Variants in MAGI2 observed in about 807,000 individuals in gnomAD.
MAGI2 encodes the protein membrane-associated guanylate kinase, WW and PDZ domain-containing protein 2.
MAGI2 carries 35 observed loss-of-function variants against 133.3 expected under a neutral mutation model. The observed-to-expected ratio is 0.26, with a 90% CI of 0.20 to 0.35. MAGI2 has a LOEUF of 0.35. Among genes scored for constraint, MAGI2 ranks in the 10% least tolerant of loss-of-function variants. MAGI2 has a pLI of 1.00. For synonymous variants in MAGI2, 729 were observed against 710.6 expected (o/e 1.03, Z -0.41); for missense variants, 1,636 against 1,863.4 (o/e 0.88, Z 2.25).
At chr7:78,743,207 G>C (rs1328166466) in intron 2 of MAGI2, among the ~76,000 whole-genome samples, 1 of 152,186 alleles carries the variant, frequency 6.6e-6, no homozygotes, top group Admixed American at 6.5e-5. Flanking sequence ...ACCCTATAGA[G>C]ATATAGGTCT....
At chr7:78,861,886 C>G (rs978430212) in intron 2 of MAGI2, among the ~76,000 whole-genome samples, 6 of 152,172 alleles carry the variant, frequency 3.9e-5, no homozygotes, top group African/African-American at 1.4e-4. Context: ...AAAAATTCAT[C>G]TGTTTATTCT....
intron 1 of MAGI2, among the ~76,000 whole-genome samples, chr7:79,393,331 A>T (rs1428008502): frequency 6.6e-6 from 1 of 152,222 alleles, no homozygotes; most frequent in East Asian, 1.9e-4. Context: ...GGGAAAAAAC[A>T]AGCTTCTTAT....
chr7:78,576,014 ACTCT>A (rs201146822), intron 3 of MAGI2, among the ~76,000 whole-genome samples: 2 of 152,002 alleles, frequency 1.3e-5, no homozygotes, highest in African/African-American at 4.8e-5. Context: ...TTAAACATAA[ACTCT>A]CTGTACTATT....
intron 2 of MAGI2, among the ~76,000 whole-genome samples, chr7:78,644,641 G>T (rs1810656228): frequency 1.3e-5 from 2 of 152,098 alleles, no homozygotes. Flanking sequence ...GTGGGATGTT[G>T]CTAAAGCAAG....
intron 1 of MAGI2, among the ~76,000 whole-genome samples, chr7:79,234,519 C>T (rs1018628875): frequency 6.6e-6 from 1 of 151,660 alleles, no homozygotes; most frequent in Non-Finnish European, 1.5e-5. Flanking sequence ...CTCTAAACTT[C>T]CCTTCTCGCT....
At chr7:78,791,502 C>CTACAGCA (rs1448474084) in intron 2 of MAGI2, among the ~76,000 whole-genome samples, 1 of 150,910 alleles carries the variant, frequency 6.6e-6, no homozygotes, top group Non-Finnish European at 1.5e-5. Context: ...GAGGATATCA[C>CTACAGCA]TACAGCATTA....
At chr7:78,982,779 TG>T (rs1804904315) in intron 2 of MAGI2, among the ~76,000 whole-genome samples, 3 of 151,862 alleles carry the variant, frequency 2.0e-5, no homozygotes, top group African/African-American at 7.2e-5. Context: ...CCAACTTATT[TG>T]GGTCCTCTGA....
chr7:79,069,325 G>T (rs1056425343), intron 1 of MAGI2, among the ~76,000 whole-genome samples: 2 of 152,256 alleles, frequency 1.3e-5, no homozygotes, highest in African/African-American at 4.8e-5. Context: ...AGCTCTTCTT[G>T]TTGCATTGAT....
intron 2 of MAGI2, among the ~76,000 whole-genome samples, chr7:78,858,478 C>T (rs546229149): frequency 1.2e-4 from 18 of 152,300 alleles, no homozygotes; most frequent in African/African-American, 4.1e-4. Flanking sequence ...TTTCAAAGAA[C>T]ATCTTTATTT....
intron 2 of MAGI2, among the ~76,000 whole-genome samples, chr7:78,974,386 G>A (rs10255477): frequency 0.046 from 6,908 of 151,818 alleles, 470 homozygotes; most frequent in African/African-American, 0.15. Context: ...AAAGATCTAT[G>A]CTTGTTAGCC....
chr7:78,550,544 T>G (rs1404442306), intron 3 of MAGI2, among the ~76,000 whole-genome samples: 1 of 152,198 alleles, frequency 6.6e-6, no homozygotes, highest in African/African-American at 2.4e-5. Flanking sequence ...GCCAGACAGA[T>G]AGAAGACTGT....
chr7:78,318,706 AG>A (rs1787686707), intron 9 of MAGI2, among the ~76,000 whole-genome samples: 1 of 152,216 alleles, frequency 6.6e-6, no homozygotes, highest in South Asian at 2.1e-4. Flanking sequence ...AAAAATGTTA[AG>A]GGCAGCCAAA....
intron 2 of MAGI2, among the ~76,000 whole-genome samples, chr7:78,674,700 A>T (rs1814797568): frequency 1.3e-5 from 2 of 152,200 alleles, no homozygotes; most frequent in South Asian, 4.1e-4. Context: ...TTAGAAATAC[A>T]AATTAACCAA....
intron 1 of MAGI2, among the ~76,000 whole-genome samples, chr7:79,420,051 G>C (rs1846837606): frequency 6.6e-6 from 1 of 152,006 alleles, no homozygotes. Context: ...ATATAAGACA[G>C]CTTTGATTTC....
At chr7:78,769,936 G>A (rs1469306860) in intron 2 of MAGI2, among the ~76,000 whole-genome samples, 1 of 151,444 alleles carries the variant, frequency 6.6e-6, no homozygotes, top group Non-Finnish European at 1.5e-5. Flanking sequence ...AGTCAAAGGG[G>A]AAAAAAAAGA....
At chr7:78,874,849 A>T (rs509799) in intron 2 of MAGI2, among the ~76,000 whole-genome samples, 8 of 151,964 alleles carry the variant, frequency 5.3e-5, no homozygotes, top group Non-Finnish European at 7.4e-5. Context: ...ATCATTACAC[A>T]TTGTAACAAG....
chr7:78,122,433 T>C (rs917955360), intron 20 of MAGI2, among the ~76,000 whole-genome samples: 2 of 152,164 alleles, frequency 1.3e-5, no homozygotes, highest in East Asian at 1.9e-4. Context: ...TTTTTGTGCA[T>C]TGATTGGTTG....
chr7:78,649,237 A>AAAAAAAAAAAAG (rs1563294737), intron 2 of MAGI2, among the ~76,000 whole-genome samples: 5 of 65,480 alleles, frequency 7.6e-5, no homozygotes, highest in Admixed American at 2.0e-4. Context: ...AAAAAAAAAG[A>AAAAAAAAAAAAG]AAAAAAAAGA....
chr7:78,676,622 T>C (rs1170918079), intron 2 of MAGI2, among the ~76,000 whole-genome samples: 1 of 152,128 alleles, frequency 6.6e-6, no homozygotes, highest in Non-Finnish European at 1.5e-5. Context: ...AGTGTCACAG[T>C]TGATTAAAAC....
Sources: allele counts gnomAD v4.1 joint callset (sites outside exome capture counted in the v4.1 genomes callset), GRCh38; gene constraint gnomAD v4.1.1; transcripts MANE v1.5; gene names NCBI Gene and HGNC (gene_info 2026-07-23, HGNC 2026-07-21).